VOPP1: variants seen among roughly 807,000 people sequenced by gnomAD.
The protein encoded by VOPP1 is VOPP1 WW domain binding protein, also known as WW domain binding protein VOPP1.
In VOPP1, 8 loss-of-function variants were observed where a neutral mutation model predicts 23.5. The observed-to-expected ratio is 0.34, with a 90% CI of 0.20 to 0.61. VOPP1 has a LOEUF of 0.61. Ranked by LOEUF, VOPP1 falls within the 20% of genes least tolerant of loss-of-function variation. VOPP1 has a pLI of 0.78. For synonymous variants in VOPP1, 83 were observed against 97.3 expected, an observed-to-expected ratio of 0.85 and a Z score of 0.86; for missense variants, 174 against 238.1, an observed-to-expected ratio of 0.73 and a Z score of 1.77.
At chr7:55,547,269 C>A (rs1044332061) in intron 1 of VOPP1, among the ~76,000 whole-genome samples, 1 of 152,156 alleles carries the variant, frequency 6.6e-6, no homozygotes, top group Non-Finnish European at 1.5e-5. Flanking sequence ...GATAACAGGA[C>A]CCCAACAGGA....
intron 1 of VOPP1, among the ~76,000 whole-genome samples, chr7:55,561,007 T>G (rs1197720817): frequency 6.6e-6 from 1 of 152,140 alleles, no homozygotes; most frequent in Non-Finnish European, 1.5e-5. Flanking sequence ...CCATGCTGCT[T>G]AGGGGGCCAG....
downstream of VOPP1, among the ~76,000 whole-genome samples, chr7:55,435,308 TAAAGA>T (rs1433455424): frequency 6.6e-6 from 1 of 151,466 alleles, no homozygotes; most frequent in East Asian, 1.9e-4. Context: ...GGCTGGGGGG[TAAAGA>T]AGTGTGTGTG....
chr7:55,496,262 T>C (rs1793941646), intron 3 of VOPP1, among the ~76,000 whole-genome samples: 1 of 152,042 alleles, frequency 6.6e-6, no homozygotes, highest in South Asian at 2.1e-4. Flanking sequence ...GGTTTCACAC[T>C]CCAGACGGTC....
chr7:55,458,336 T>C (rs113283944), intron 4 of VOPP1, among the ~76,000 whole-genome samples: 1,830 of 152,228 alleles, frequency 0.012, 13 homozygotes, highest in Admixed American at 0.021. Context: ...CCTGTAATGT[T>C]TTGAAGTTAA....
intron 2 of VOPP1, chr7:55,515,842 GCC>G (rs1795370200): frequency 2.4e-6 from 1 of 413,852 alleles, no homozygotes; most frequent in African/African-American, 2.2e-5. Context: ...TCTGACAAAC[GCC>G]ACCTTAGTCG....
chr7:55,552,503 G>T, intron 1 of VOPP1: 1 of 1,307,148 alleles, frequency 7.7e-7, no homozygotes, highest in Non-Finnish European at 1.1e-6. Flanking sequence ...ACTCACACAG[G>T]ATGGATCTCC....
chr7:55,521,680 T>G, intron 1 of VOPP1: 1 of 987,250 alleles, frequency 1.0e-6, no homozygotes, highest in Non-Finnish European at 1.2e-6. Context: ...CTCCTGGGCT[T>G]TCCAGGTAAG....
At chr7:55,446,584 C>A (rs924609902) in intron 4 of VOPP1, among the ~76,000 whole-genome samples, 1 of 152,176 alleles carries the variant, frequency 6.6e-6, no homozygotes, top group Admixed American at 6.5e-5. Flanking sequence ...AAACCACACC[C>A]ATAGAGGTTC....
chr7:55,435,035 C>G (rs1329221240), downstream of VOPP1, among the ~76,000 whole-genome samples: 1 of 152,210 alleles, frequency 6.6e-6, no homozygotes, highest in Non-Finnish European at 1.5e-5. Context: ...TCCAGGTTCC[C>G]TAAGACGTCT....
intron 1 of VOPP1, among the ~76,000 whole-genome samples, chr7:55,559,959 C>T (rs1335755441): frequency 6.6e-6 from 1 of 152,218 alleles, no homozygotes; most frequent in Admixed American, 6.5e-5. Context: ...TCCAGACCAG[C>T]CTGGCCAACA....
chr7:55,435,457 C>G (rs183637670), downstream of VOPP1, among the ~76,000 whole-genome samples: 56 of 152,320 alleles, frequency 3.7e-4, no homozygotes, highest in East Asian at 9.6e-3. Flanking sequence ...CAGGTCCTGA[C>G]TTTTCCACAT....
intron 1 of VOPP1, chr7:55,552,790 G>A (rs1456593887): frequency 4.6e-6 from 7 of 1,512,016 alleles, no homozygotes; most frequent in African/African-American, 1.4e-5. Context: ...TGTTCTCCTA[G>A]GAAACCTCCC....
At chr7:55,473,734 T>C (rs1019761313) in intron 4 of VOPP1, among the ~76,000 whole-genome samples, 2 of 152,204 alleles carry the variant, frequency 1.3e-5, no homozygotes, top group South Asian at 2.1e-4. Flanking sequence ...AGATTAACAC[T>C]ATAGAATTAT....
chr7:55,494,924 T>G (rs1484369427), intron 3 of VOPP1, among the ~76,000 whole-genome samples: 2 of 152,212 alleles, frequency 1.3e-5, no homozygotes, highest in Non-Finnish European at 2.9e-5. Flanking sequence ...CTAGATGTCC[T>G]CTTTGGTTGC....
intron 1 of VOPP1, chr7:55,521,519 A>G (rs1229678109): frequency 9.8e-7 from 1 of 1,020,230 alleles, no homozygotes; most frequent in Admixed American, 5.7e-5. Context: ...GACATCTCCA[A>G]TAGATTTAGC....
chr7:55,465,001 C>T (rs80228399), intron 4 of VOPP1, among the ~76,000 whole-genome samples: 1,828 of 152,294 alleles, frequency 0.012, 13 homozygotes, highest in Admixed American at 0.021. Context: ...TCTCTCTGCA[C>T]TGGGGGGTTT....
rs995738272 is a variant in VOPP1, at chr7:55,495,707, G to C, written c.191+1906C>G. Among the ~76,000 whole-genome samples, 15 of 152,178 alleles carry C rather than the reference G, an allele frequency of 9.9e-5. No individual in the cohort carries two copies. In the East Asian group the frequency reaches 2.9e-3, roughly 29 times the overall value. On this transcript the variant is annotated intron_variant, in intron 3 of 4. Transcript: ENST00000285279. ...TCCATAAAACCCCAGCACAATGCCT[G>C]GTGTATATCAGACCCGATGTTGATT...
intron 4 of VOPP1, among the ~76,000 whole-genome samples, chr7:55,442,317 G>C (rs1790985636): frequency 6.6e-6 from 1 of 152,208 alleles, no homozygotes. Flanking sequence ...ATTCTCCGAA[G>C]GGTGGAGGAA....
chr7:55,567,953 G>C (rs1798216254), intron 1 of VOPP1, among the ~76,000 whole-genome samples: 1 of 152,016 alleles, frequency 6.6e-6, no homozygotes, highest in African/African-American at 2.4e-5. Flanking sequence ...ACATAACTCA[G>C]TTCTAATTTC....
Sources: allele counts gnomAD v4.1 joint callset (sites outside exome capture counted in the v4.1 genomes callset), GRCh38; gene constraint gnomAD v4.1.1; transcripts MANE v1.5; gene names NCBI Gene and HGNC (gene_info 2026-07-23, HGNC 2026-07-21).